Variants in LTBP4 observed in about 807,000 individuals in gnomAD.
LTBP4 encodes latent transforming growth factor beta binding protein 4, also known as latent-transforming growth factor beta-binding protein 4.
A neutral mutation model predicts 180.2 loss-of-function variants in LTBP4; 93 were observed. The ratio of observed to expected loss-of-function variants is 0.52; its 90% CI spans 0.44 to 0.61. The LOEUF is 0.61. Ranked by LOEUF, LTBP4 falls within the 20% of genes least tolerant of loss-of-function variation. LTBP4 has a pLI of 0.00. For missense variants in LTBP4, 2,116 were observed against 2,256.5 expected, an observed-to-expected ratio of 0.94 and a Z score of 1.26; for synonymous variants, 947 against 934.5, an observed-to-expected ratio of 1.01 and a Z score of -0.24.
In LTBP4 at chr19:40,613,753, C is replaced by T; in HGVS notation, c.2558-163C>T. The T allele has an allele frequency of 1.6e-6, 2 of 1,285,916 alleles. No homozygotes were observed. Among genetic ancestry groups the T allele is most frequent in the Admixed American group, 2.0e-5 (1 of 50,548 alleles). The allele number at this position is 1,285,916 out of a possible 1,614,324, so 79.7% of individuals were successfully genotyped here. ...GGACCGTGATTGTAAAGAAGCTGTTCTAAACCCGTCGGGGGGCGGTGTTTG... is the reference window on the plus strand; with the variant it reads ...GGACCGTGATTGTAAAGAAGCTGTTTTAAACCCGTCGGGGGGCGGTGTTTG... On this transcript the variant is annotated intron_variant, in intron 17 of 29. Transcript: ENST00000396819. This position sits in a 1 kb window ranked among gnomAD's most constrained non-coding sequence, Gnocchi z 5.0.
chr19:40,593,288 G>T, intron 1 of LTBP4: 2 of 1,362,514 alleles, frequency 1.5e-6, no homozygotes, highest in Non-Finnish European at 2.1e-6. Flanking sequence ...TGTTGCCCGG[G>T]CTAGGGTGCA....
At chr19:40,606,145 T>C in intron 4 of LTBP4, 88 bp from the exon 5 acceptor site, 1 of 1,208,344 alleles carries the variant, frequency 8.3e-7, no homozygotes, top group Non-Finnish European at 1.2e-6. Flanking sequence ...CAACATCTTT[T>C]AGTCCCTCCC....
chr19:40,616,819 A>G, intron 19 of LTBP4, 70 bp from the exon 20 acceptor site: 2 of 1,563,336 alleles, frequency 1.3e-6, no homozygotes, highest in Non-Finnish European at 1.7e-6. Context: ...AGTCTTGGGC[A>G]CCGGAAGTGG....
rs1214683346 is a variant in LTBP4, at chr19:40,622,333, C to T, written c.3218-68C>T. ...TCCCTATCTATGCCAGCCTCAGTTT[C>T]CCCATCTATGATAGTGGCGGGGCTG... On this transcript the variant is annotated intron_variant, in intron 22 of 29. Coordinates refer to ENST00000396819, the MANE Select transcript of LTBP4 (RefSeq NM_001042545.2). The surrounding 1 kb of genome is among the most constrained non-coding windows in gnomAD (Gnocchi z 5.1). 2.8e-6 allele frequency: 4 copies of T among 1,440,420 alleles called. No individual in the cohort carries two copies. The African/African-American group carries it at 4.3e-5, about 15-fold the overall frequency. The allele number at this position is 1,440,420 out of a possible 1,614,324, so 89.2% of individuals were successfully genotyped here.
At chr19:40,593,269 G>C (rs1339875251) in intron 1 of LTBP4, 1 of 1,517,580 alleles carries the variant, frequency 6.6e-7, no homozygotes, top group Non-Finnish European at 9.1e-7. Flanking sequence ...TTGAGACAGG[G>C]TCTTGCTTTG....
At chr19:40,598,757 G>T (rs373790993), upstream of LTBP4, 4 of 249,080 alleles carry the variant, frequency 1.6e-5, no homozygotes, top group South Asian at 1.8e-4. Flanking sequence ...GCCGAGGCCT[G>T]TGAAAATGGC....
intron 7 of LTBP4, 88 bp downstream of exon 7, chr19:40,607,617 C>T (rs2081473216): frequency 2.8e-6 from 4 of 1,409,776 alleles, no homozygotes; most frequent in South Asian, 1.4e-5. Context: ...GTTCACTGCC[C>T]CAACCTGACT....
Position 40,622,971 on chromosome 19 carries a change from C to T in LTBP4, c.3506C>T (p.Pro1169Leu). 1 of 1,613,240 alleles carries T rather than the reference C, an allele frequency of 6.2e-7. No individual in the cohort carries two copies. Among genetic ancestry groups the T allele is most frequent in the Non-Finnish European group, 8.5e-7 (1 of 1,179,642 alleles). ...GTAGCTGAGTACCAGTCATTGTGCC[C>T]TCACGGCCGGGGCTACCTGGCGCCC... ...TETAEYQSLC[P>L]HGRGYLAPSG... Residue 1169 changes from proline (P) to leucine (L), a missense_variant, in exon 24 of 30, where the codon CCT becomes CTT. Coordinates refer to ENST00000396819, the MANE Select transcript of LTBP4 (RefSeq NM_001042545.2). The surrounding 1 kb of genome is among the most constrained non-coding windows in gnomAD (Gnocchi z 5.1).
At chr19:40,599,556 C>A (rs1336481065), upstream of LTBP4, 1 of 1,606,700 alleles carries the variant, frequency 6.2e-7, no homozygotes, top group Non-Finnish European at 8.5e-7. Context: ...CAGCCACTGA[C>A]GTGAGTGGGC....
rs1361569856 is a variant in LTBP4, at chr19:40,608,889, C to T, written c.1426+286C>T. The T allele has an allele frequency of 3.6e-5, 6 of 167,372 alleles. No homozygotes were observed. The East Asian group carries it at 4.8e-4, about 13-fold the overall frequency. 10.4% of individuals were successfully genotyped at this position (167,372 alleles called of 1,614,324 possible). A position where few individuals can be genotyped will look rare whatever the true frequency, so the allele number is the denominator to read the frequency against. On this transcript the variant is annotated intron_variant, in intron 9 of 29. Coordinates refer to ENST00000396819, the MANE Select transcript of LTBP4 (RefSeq NM_001042545.2). The stretch of plus-strand genomic sequence containing the variant: ...TCGTGCCATTGCACTCCAGCTTGAG[C>T]GACACTCCATCTCAAAAAAAAAAAA...
At chr19:40,596,507 G>GCCCC (rs2081391235), upstream of LTBP4, among the ~76,000 whole-genome samples, 1 of 147,932 alleles carries the variant, frequency 6.8e-6, no homozygotes, top group South Asian at 2.2e-4. Flanking sequence ...AGAGCCAGGA[G>GCCCC]CACCCTGGGA....
intron 1 of LTBP4, among the ~76,000 whole-genome samples, chr19:40,604,330 G>C (rs1302659442): frequency 6.6e-6 from 1 of 152,022 alleles, no homozygotes; most frequent in East Asian, 1.9e-4. Context: ...GTGTGGGCGG[G>C]CATAGAATGC....
chr19:40,610,371 G>A, intron 11 of LTBP4, 161 bp from the exon 12 acceptor site: 1 of 773,468 alleles, frequency 1.3e-6, no homozygotes, highest in Non-Finnish European at 2.0e-6. Context: ...CTCCACAATT[G>A]CCTCTCTCAC....
At chr19:40,614,257 G>T (rs2081530762) in intron 18 of LTBP4, 58 bp from the exon 19 acceptor site, 11 of 1,569,690 alleles carry the variant, frequency 7.0e-6, no homozygotes, top group South Asian at 5.6e-5. Context: ...TCCCCTCTTT[G>T]TATCCCCCAT....
At position 40,613,624 on chromosome 19, in the gene LTBP4, T is replaced by G; in HGVS notation, c.2557+95T>G. 1 of 1,525,824 alleles carries G rather than the reference T, an allele frequency of 6.6e-7. No individual in the cohort carries two copies. Among genetic ancestry groups the G allele is most frequent in the South Asian group, 1.2e-5 (1 of 83,714 alleles). 94.5% of individuals were successfully genotyped at this position (1,525,824 alleles called of 1,614,324 possible). A position where few individuals can be genotyped will look rare whatever the true frequency, so the allele number is the denominator to read the frequency against. ...AGAGGGCGAAAAGGGGAAAACGAGT[T>G]TTTAGCCGGGGTATTCCAGCAGGAT... On this transcript the variant is annotated intron_variant, in intron 17 of 29. Transcript: ENST00000396819. The surrounding 1 kb of genome is among the most constrained non-coding windows in gnomAD (Gnocchi z 5.0).
chr19:40,606,615 AC>A (rs894110924), intron 6 of LTBP4, 89 bp downstream of exon 6: 17 of 1,460,688 alleles, frequency 1.2e-5, no homozygotes, highest in Admixed American at 4.1e-5. Flanking sequence ...ATTCCCTCGG[AC>A]CCCCCCAGAC....
At chr19:40,598,469 A>T (rs2081403193), upstream of LTBP4, 1 of 150,376 alleles carries the variant, frequency 6.6e-6, no homozygotes, top group African/African-American at 2.5e-5. Context: ...GGGCCCCTTC[A>T]TTGCGACGCA....
chr19:40,611,006 G>C lies in LTBP4; in HGVS notation c.1811-146G>C. The stretch of plus-strand genomic sequence containing the variant: ...CAGCCAGGCAGCTTAGTAGGGATTG[G>C]TGGAGGATGCAGAGTCAGATGATGG... On this transcript the variant is annotated intron_variant, in intron 12 of 29. Transcript: ENST00000396819. This position sits in a 1 kb window ranked among gnomAD's most constrained non-coding sequence, Gnocchi z 4.4. 1 of 1,150,182 alleles carries C rather than the reference G, an allele frequency of 8.7e-7. No homozygotes were observed. The highest frequency in any genetic ancestry group is 1.5e-5 in the African/African-American group (1 of 65,310). 71.2% of individuals were successfully genotyped at this position (1,150,182 alleles called of 1,614,324 possible). A position where few individuals can be genotyped will look rare whatever the true frequency, so the allele number is the denominator to read the frequency against.
At chr19:40,617,626 A>G (rs2081559564) in intron 21 of LTBP4, among the ~76,000 whole-genome samples, 1 of 149,090 alleles carries the variant, frequency 6.7e-6, no homozygotes, top group Non-Finnish European at 1.5e-5. Context: ...CCTGGGTGAC[A>G]GAGTGAGACC....
Sources: gnomAD v4.1 joint callset for allele counts (sites outside exome capture counted in the v4.1 genomes callset) on GRCh38, gnomAD v4.1.1 for gene constraint, Gnocchi (gnomAD v3.1) non-coding constraint, MANE v1.5 for transcripts, NCBI Gene and HGNC (gene_info 2026-07-23, HGNC 2026-07-21) for gene names.